Variants in A1CF observed in about 807,000 individuals in gnomAD.
The protein encoded by A1CF is APOBEC-1 stimulating protein.
In A1CF, 48 loss-of-function variants were observed where a neutral mutation model predicts 68.9. The ratio of observed to expected loss-of-function variants is 0.70; its 90% CI spans 0.55 to 0.89. The LOEUF is 0.89. Among genes scored for constraint, A1CF ranks in the 40% least tolerant of loss-of-function variants. The probability of loss-of-function intolerance (pLI) is 0.00; values close to 1 mark genes in which losing one functional copy is unlikely to be tolerated. For missense variants in A1CF, 653 were observed against 718.9 expected, an observed-to-expected ratio of 0.91 and a Z score of 1.05; for synonymous variants, 272 against 260.4, an observed-to-expected ratio of 1.04 and a Z score of -0.43.
At chr10:50,809,151 C>A (rs1837973220) in intron 12 of A1CF, among the ~76,000 whole-genome samples, 1 of 152,066 alleles carries the variant, frequency 6.6e-6, no homozygotes, top group African/African-American at 2.4e-5. Context: ...GGGGACAAAT[C>A]TTTTAAAATG....
chr10:50,863,635 T>C (rs1368913111), intron 2 of A1CF, among the ~76,000 whole-genome samples: 1 of 152,020 alleles, frequency 6.6e-6, no homozygotes, highest in East Asian at 1.9e-4. Context: ...TTACAGGGGA[T>C]GAGAGAGGTA....
chr10:50,848,110 T>C (rs1162435868), intron 3 of A1CF, among the ~76,000 whole-genome samples: 1 of 152,198 alleles, frequency 6.6e-6, no homozygotes, highest in Non-Finnish European at 1.5e-5. Flanking sequence ...TCTATGAGGA[T>C]GCTACTACTA....
chr10:50,860,426 T>C (rs576683121), intron 2 of A1CF, among the ~76,000 whole-genome samples: 7 of 152,208 alleles, frequency 4.6e-5, no homozygotes, highest in African/African-American at 1.7e-4. Context: ...TCAGCTAAGA[T>C]AGTTATCTAC....
At chr10:50,850,588 G>T in intron 3 of A1CF, 1 of 1,493,534 alleles carries the variant, frequency 6.7e-7, no homozygotes, top group Non-Finnish European at 9.2e-7. Context: ...AAAACAAAAA[G>T]CATTTGTGTG....
At chr10:50,831,810 G>A (rs1470037980) in intron 6 of A1CF, among the ~76,000 whole-genome samples, 1 of 152,074 alleles carries the variant, frequency 6.6e-6, no homozygotes, top group Non-Finnish European at 1.5e-5. Flanking sequence ...ACAGGTATAT[G>A]AAAAAATGCT....
chr10:50,851,260 T>G (rs1390998844), intron 3 of A1CF, among the ~76,000 whole-genome samples: 1 of 152,196 alleles, frequency 6.6e-6, no homozygotes, highest in Non-Finnish European at 1.5e-5. Context: ...ATTGCAGTAG[T>G]CCTGTAGGGG....
At chr10:50,815,387 T>G (rs1453136957) in intron 9 of A1CF, among the ~76,000 whole-genome samples, 1 of 152,018 alleles carries the variant, frequency 6.6e-6, no homozygotes, top group Non-Finnish European at 1.5e-5. Flanking sequence ...TGATTGAGGG[T>G]TTTTTTTCTA....
Position 50,804,177 on chromosome 10 carries a change from G to C in A1CF, c.*2552C>G, listed in dbSNP as rs1025286018. On this transcript the variant is annotated 3_prime_UTR_variant, in exon 13 of 13. Coordinates refer to ENST00000373997, the MANE Select transcript of A1CF (RefSeq NM_014576.4). ...ACTTCTACCTACTTATACAAAACTG[G>C]CTCTAAAGAGGTAAATGGTGTGATA... The C allele has an allele frequency of 1.3e-5, 2 of 152,142 alleles. No homozygotes were observed. The highest frequency in any genetic ancestry group is 1.3e-4 in the Admixed American group (2 of 15,278). The allele number at this position is 152,142 out of a possible 1,614,324, so 9.4% of individuals were successfully genotyped here. A position where few individuals can be genotyped will look rare whatever the true frequency, so the allele number is the denominator to read the frequency against.
At position 50,834,962 on chromosome 10, in the gene A1CF, G is replaced by A. The variant is rs573327059; in HGVS notation, c.604+1112C>T. On this transcript the variant is annotated intron_variant, in intron 6 of 12. Transcript: ENST00000373997. ...ATTGAAGCAGATAGCAAAATATTAC[G>A]TCCAGGTCACCAAAAGGTATGCCCC... Among the ~76,000 whole-genome samples the A allele has an allele frequency of 3.9e-5, 6 of 152,270 alleles. No homozygotes were observed. The East Asian group carries it at 5.8e-4, about 15-fold the overall frequency.
chr10:50,826,446 G>A lies in A1CF; in HGVS notation c.769+1685C>T, dbSNP rs114424786. On this transcript the variant is annotated intron_variant, in intron 7 of 12. Coordinates refer to ENST00000373997, the MANE Select transcript of A1CF (RefSeq NM_014576.4). The stretch of plus-strand genomic sequence containing the variant: ...TGTTTTGATCTCTCGGCAGAAACTC[G>A]ACAAGCCAGGAGAGAGTGGGGGCCA... 9.3e-3 allele frequency among the ~76,000 whole-genome samples: 1,416 copies of A among 152,064 alleles called. 30 individuals are homozygous for A. Among genetic ancestry groups the A allele is most frequent in the African/African-American group, 0.032 (1,324 of 41,522 alleles).
chr10:50,885,055 T>C (rs1189490329), intron 1 of A1CF, among the ~76,000 whole-genome samples: 2 of 152,206 alleles, frequency 1.3e-5, no homozygotes, highest in South Asian at 2.1e-4. Context: ...GTTAGCAAGA[T>C]AATGGCAGGC....
At chr10:50,826,090 A>G (rs767534455) in intron 7 of A1CF, among the ~76,000 whole-genome samples, 25 of 152,134 alleles carry the variant, frequency 1.6e-4, no homozygotes, top group Non-Finnish European at 2.9e-4. Flanking sequence ...TGGTTATGGC[A>G]TGCATTCTTC....
chr10:50,830,941 C>A (rs1358980501), intron 6 of A1CF, among the ~76,000 whole-genome samples: 2 of 151,900 alleles, frequency 1.3e-5, no homozygotes, highest in Admixed American at 1.3e-4. Flanking sequence ...AAAATAGAGT[C>A]CAGAAGTAAA....
Position 50,816,043 on chromosome 10 carries a change from G to A in A1CF, c.1104C>T (p.Leu368=), listed in dbSNP as rs1838350749. 2 of 1,613,638 alleles carry A rather than the reference G, an allele frequency of 1.2e-6. No individual in the cohort carries two copies. The highest frequency in any genetic ancestry group is 1.6e-4 in the Middle Eastern group (1 of 6,076). Residue 368 remains leucine, a synonymous_variant, in exon 9 of 13, where the codon CTC becomes CTT. Coordinates refer to ENST00000373997, the MANE Select transcript of A1CF (RefSeq NM_014576.4). ...SLHFPATKGH[L]SNRAIIRAPS... ...GGGCTCGGATAATGGCTCTGTTGCT[G>A]AGATGTCCTTTGGTGGCTGGGAAAT...
chr10:50,871,135 G>A (rs900614781), intron 1 of A1CF, among the ~76,000 whole-genome samples: 4 of 151,594 alleles, frequency 2.6e-5, no homozygotes, highest in African/African-American at 7.2e-5. Flanking sequence ...ATTATACTTA[G>A]TAATGAAACA....
rs139751947 is a variant in A1CF at position 50,826,560 on chromosome 10, A to G, written c.769+1571T>C. On this transcript the variant is annotated intron_variant, in intron 7 of 12. Coordinates refer to ENST00000373997, the MANE Select transcript of A1CF (RefSeq NM_014576.4). ...TTCATAAGCAAAGGAGAAATAAAAT[A>G]CTTTACAGACAAGCAAATTCTGAGA... is the stretch of plus-strand genomic sequence containing the variant. Among the ~76,000 whole-genome samples, 877 of 152,290 alleles carry G rather than the reference A, an allele frequency of 5.8e-3. 8 individuals are homozygous for G. Among genetic ancestry groups the G allele is most frequent in the African/African-American group, 0.019 (793 of 41,572 alleles).
Position 50,816,007 on chromosome 10 carries a change from T to C in A1CF, c.1140A>G (p.Arg380=). 6.2e-7 allele frequency: 1 copy of C among 1,613,520 alleles called. No individual in the cohort carries two copies. Among genetic ancestry groups the C allele is most frequent in the Non-Finnish European group, 8.5e-7 (1 of 1,179,596 alleles). The change falls in exon 9 of 13, where the codon AGA becomes AGG. Residue 380 remains arginine, a splice_region_variant and synonymous_variant. Transcript: ENST00000373997. ...AAAGCAAGATCTGACTGGTGTTACC[T>C]CTAACAGAAGGGGCTCGGATAATGG... is the stretch of plus-strand genomic sequence containing the variant. ...NRAIIRAPSV[R]GAAGVRGLGG...
chr10:50,878,859 C>T (rs918463089), intron 1 of A1CF, among the ~76,000 whole-genome samples: 1 of 152,148 alleles, frequency 6.6e-6, no homozygotes, highest in Non-Finnish European at 1.5e-5. Flanking sequence ...GTGTGATACT[C>T]AAATGACTTT....
rs527410020 is a variant in A1CF, at chr10:50,847,308, T to A, written c.100-3186A>T. 3.9e-5 allele frequency among the ~76,000 whole-genome samples: 6 copies of A among 152,232 alleles called. 1 individual carries two copies. The highest frequency in any genetic ancestry group is 8.8e-5 in the Non-Finnish European group (6 of 68,044). Reference sequence around the variant, plus strand: ...CAAATAGGTGGAAAGTCTTCACCTATGTAAATTAACAATTGAGGACACAAT... The same window carrying A: ...CAAATAGGTGGAAAGTCTTCACCTAAGTAAATTAACAATTGAGGACACAAT... On this transcript the variant is annotated intron_variant, in intron 3 of 12. Coordinates refer to ENST00000373997, the MANE Select transcript of A1CF (RefSeq NM_014576.4).
Sources: gnomAD v4.1 joint callset for allele counts (sites outside exome capture counted in the v4.1 genomes callset) on GRCh38, gnomAD v4.1.1 for gene constraint, MANE v1.5 for transcripts, NCBI Gene and HGNC (gene_info 2026-07-23, HGNC 2026-07-21) for gene names.